DISP1: variants seen among roughly 807,000 people sequenced by gnomAD.
DISP1 encodes dispatched RND transporter family member 1, also known as protein dispatched homolog 1.
DISP1 carries 30 observed loss-of-function variants against 37.3 expected under a neutral mutation model. The observed-to-expected ratio is 0.80, with a 90% CI of 0.60 to 1.09. The LOEUF is 1.09. DISP1 is among the 50% of genes least tolerant of loss of function. The pLI, the probability that DISP1 is intolerant of heterozygous loss-of-function variation, is 0.00. For missense variants in DISP1, 1,598 were observed against 1,879.5 expected (o/e 0.85, Z 2.77); for synonymous variants, 634 against 690.2 (o/e 0.92, Z 1.28).
intron 1 of DISP1, among the ~76,000 whole-genome samples, chr1:222,909,426 G>A (rs984769185): frequency 2.0e-5 from 3 of 152,204 alleles, no homozygotes; most frequent in Non-Finnish European, 2.9e-5. Flanking sequence ...CACTAGGATT[G>A]TTTATGAATG....
At chr1:222,900,272 A>G (rs1265741874) in intron 1 of DISP1, among the ~76,000 whole-genome samples, 1 of 152,178 alleles carries the variant, frequency 6.6e-6, no homozygotes, top group East Asian at 1.9e-4. Flanking sequence ...TTTAAGCCTT[A>G]GTTTCCTCAT....
At chr1:222,966,805 TG>T (rs1676528030) in intron 3 of DISP1, among the ~76,000 whole-genome samples, 1 of 152,172 alleles carries the variant, frequency 6.6e-6, no homozygotes, top group Admixed American at 6.5e-5. Flanking sequence ...TGCCTTTCAC[TG>T]AAGACTTGAG....
intron 1 of DISP1, among the ~76,000 whole-genome samples, chr1:222,926,294 G>C (rs1673080643): frequency 6.6e-6 from 1 of 152,160 alleles, no homozygotes; most frequent in South Asian, 2.1e-4. Context: ...TTGTATAGAT[G>C]TACATATGTT....
At chr1:222,939,287 C>T (rs532615071) in intron 2 of DISP1, among the ~76,000 whole-genome samples, 3 of 145,794 alleles carry the variant, frequency 2.1e-5, no homozygotes, top group African/African-American at 7.6e-5. Flanking sequence ...TGTGTAACTA[C>T]AAAACGATAC....
chr1:222,908,586 G>A (rs1672042007), intron 1 of DISP1, among the ~76,000 whole-genome samples: 1 of 152,052 alleles, frequency 6.6e-6, no homozygotes, highest in South Asian at 2.1e-4. Context: ...AGTAGAGATG[G>A]GATTTCGCCA....
chr1:222,846,437 G>A (rs1426121990), intron 1 of DISP1, among the ~76,000 whole-genome samples: 1 of 152,164 alleles, frequency 6.6e-6, no homozygotes, highest in African/African-American at 2.4e-5. Flanking sequence ...GTTGTGGTGA[G>A]CTGAGATTGT....
At chr1:222,930,852 T>C (rs1380168136) in intron 2 of DISP1, among the ~76,000 whole-genome samples, 4 of 152,074 alleles carry the variant, frequency 2.6e-5, no homozygotes, top group African/African-American at 9.7e-5. Context: ...ATAAGTTTGA[T>C]GTTCTTCTAA....
chr1:222,919,401 GATCA>G (rs1414225477), intron 1 of DISP1, among the ~76,000 whole-genome samples: 1 of 152,140 alleles, frequency 6.6e-6, no homozygotes, highest in Non-Finnish European at 1.5e-5. Flanking sequence ...GTGAACCTGT[GATCA>G]ATCAAACAGC....
At chr1:222,910,544 A>G (rs1672153818) in intron 1 of DISP1, among the ~76,000 whole-genome samples, 1 of 152,180 alleles carries the variant, frequency 6.6e-6, no homozygotes, top group Admixed American at 6.5e-5. Flanking sequence ...TAATAGTGAA[A>G]TTGATTGAAA....
chr1:222,915,465 A>G (rs17163572), intron 1 of DISP1, among the ~76,000 whole-genome samples: 3 of 152,012 alleles, frequency 2.0e-5, no homozygotes, highest in South Asian at 2.1e-4. Context: ...AGGGCTGTGT[A>G]GACTGTATGA....
In DISP1 at chr1:222,984,421, A is replaced by AATAT. The variant is rs1553254647; in HGVS notation, c.539+1324_539+1327dup. 3.0e-3 allele frequency among the ~76,000 whole-genome samples: 318 copies of AATAT among 105,782 alleles called. 19 individuals are homozygous for AATAT. Among genetic ancestry groups the AATAT allele is most frequent in the Admixed American group, 7.0e-3 (65 of 9,256 alleles). The allele number at this position is 105,782 out of a possible 152,430, so 69.4% of individuals were successfully genotyped here. On this transcript the variant is annotated intron_variant, in intron 4 of 8. Coordinates refer to ENST00000675850, the MANE Select transcript of DISP1 (RefSeq NM_001377229.1). ...TCTGTCTCAAAAAAAAAAAAAAAAA[A>AATAT]ATATATATATATATAGAGAGAGAGA...
intron 3 of DISP1, among the ~76,000 whole-genome samples, chr1:222,949,424 A>T (rs1675048335): frequency 6.6e-6 from 1 of 152,046 alleles, no homozygotes; most frequent in Admixed American, 6.6e-5. Context: ...AATAAAGATT[A>T]TTGCAAGGAT....
At chr1:222,898,994 A>ACT (rs1194908608) in intron 1 of DISP1, among the ~76,000 whole-genome samples, 2 of 152,202 alleles carry the variant, frequency 1.3e-5, no homozygotes, top group Non-Finnish European at 2.9e-5. Context: ...AAAAGAACTA[A>ACT]ATATCTTTTT....
intron 1 of DISP1, among the ~76,000 whole-genome samples, chr1:222,873,808 C>T (rs138994174): frequency 1.2e-3 from 180 of 152,214 alleles, no homozygotes; most frequent in African/African-American, 4.2e-3. Flanking sequence ...GAATTTGATC[C>T]TGTTATTATG....
intron 2 of DISP1, among the ~76,000 whole-genome samples, chr1:222,935,371 C>T (rs532713399): frequency 6.8e-4 from 104 of 152,282 alleles, no homozygotes; most frequent in African/African-American, 2.3e-3. Flanking sequence ...TTCTAAAATA[C>T]ATCATCTGAG....
intron 3 of DISP1, among the ~76,000 whole-genome samples, chr1:222,965,591 T>C (rs1381067548): frequency 6.6e-6 from 1 of 152,132 alleles, no homozygotes. Context: ...CATTCCATGA[T>C]CTTATGCTTT....
chr1:222,826,384 T>TA (rs1273037519), intron 1 of DISP1, among the ~76,000 whole-genome samples: 1 of 147,524 alleles, frequency 6.8e-6, no homozygotes, highest in Non-Finnish European at 1.5e-5. Context: ...ATACTTTTTT[T>TA]TTTTTTTTTT....
At chr1:222,989,129 TAG>T (rs1678495584) in intron 4 of DISP1, among the ~76,000 whole-genome samples, 1 of 152,208 alleles carries the variant, frequency 6.6e-6, no homozygotes, top group South Asian at 2.1e-4. Flanking sequence ...AGTCTATTAT[TAG>T]AGACATATAG....
intron 2 of DISP1, among the ~76,000 whole-genome samples, chr1:222,936,537 CTCTCTA>C (rs1375902908): frequency 8.1e-6 from 1 of 123,762 alleles, no homozygotes; most frequent in Admixed American, 9.3e-5. Flanking sequence ...GTCTCTCTCT[CTCTCTA>C]TATATATATA....
Sources: allele counts gnomAD v4.1 joint callset (sites outside exome capture counted in the v4.1 genomes callset), GRCh38; gene constraint gnomAD v4.1.1; transcripts MANE v1.5; gene names NCBI Gene and HGNC (gene_info 2026-07-23, HGNC 2026-07-21).